The following NUMA1 variants were observed in gnomAD, a reference collection of about 807,000 sequenced individuals.
NUMA1 encodes nuclear mitotic apparatus protein 1.
In NUMA1, 62 loss-of-function variants were observed where a neutral mutation model predicts 237.1. The observed-to-expected ratio is 0.26, with a 90% CI of 0.21 to 0.32. The LOEUF (loss-of-function observed/expected upper bound fraction) is 0.32. Ranked by LOEUF, NUMA1 falls within the 10% of genes least tolerant of loss-of-function variation. The pLI is 1.00. For synonymous variants in NUMA1, 1,028 were observed against 1,066.1 expected (o/e 0.96, Z 0.70); for missense variants, 2,533 against 2,666.5 (o/e 0.95, Z 1.10).
At chr11:72,003,838 G>GCCCAT in intron 26 of NUMA1, 49 bp downstream of exon 26, 1 of 1,583,766 alleles carries the variant, frequency 6.3e-7, no homozygotes, top group Non-Finnish European at 8.6e-7. Flanking sequence ...TCTGGGGGGT[G>GCCCAT]CCCATGCTCT....
At chr11:72,048,140 A>G (rs1942106052) in intron 2 of NUMA1, among the ~76,000 whole-genome samples, 1 of 152,040 alleles carries the variant, frequency 6.6e-6, no homozygotes, top group African/African-American at 2.4e-5. Flanking sequence ...TCTGTCGCCC[A>G]GGTTGGGGTG....
At position 72,080,441 on chromosome 11, in the gene NUMA1, G is replaced by C. The variant is rs1037269076; in HGVS notation, c.-103+17C>G. ...GGTGCCCAGGCCGCACGCCAAACGC[G>C]GGCCCGCGCCGGTTACCTGGCTGCG... On this transcript the variant is annotated intron_variant, in intron 1 of 26. Transcript: ENST00000393695. 2 of 152,138 alleles carry C rather than the reference G, an allele frequency of 1.3e-5. No homozygotes were observed. The highest frequency in any genetic ancestry group is 6.5e-5 in the Admixed American group (1 of 15,278). The allele number at this position is 152,138 out of a possible 1,614,324, so 9.4% of individuals were successfully genotyped here. A position where few individuals can be genotyped will look rare whatever the true frequency, so the allele number is the denominator to read the frequency against.
At chr11:72,007,150 G>A in intron 21 of NUMA1, 39 bp downstream of exon 21, 1 of 1,598,152 alleles carries the variant, frequency 6.3e-7, no homozygotes. Flanking sequence ...AGAGGAAGTG[G>A]GAATTGCTGC....
Position 72,009,027 on chromosome 11 carries a change from G to C in NUMA1, c.4998C>G (p.Thr1666=). 6.2e-7 allele frequency: 1 copy of C among 1,613,786 alleles called. No homozygotes were observed. The highest frequency in any genetic ancestry group is 8.5e-7 in the Non-Finnish European group (1 of 1,180,022). The change falls in exon 19 of 27, where the codon ACC becomes ACG. Residue 1666 remains threonine, a synonymous_variant. Transcript: ENST00000393695. ...GHELQQAGLK[T]KEAEQTCRHL... ...GGCGGCAGGTCTGTTCAGCCTCCTTGGTCTTCAGCCCAGCCTGCTGTAGCT... is the reference window on the plus strand; with the variant it reads ...GGCGGCAGGTCTGTTCAGCCTCCTTCGTCTTCAGCCCAGCCTGCTGTAGCT...
chr11:72,019,571 G>A lies in NUMA1; in HGVS notation c.507C>T (p.Ser169=), dbSNP rs1938439241. The A allele has an allele frequency of 6.2e-7, 1 of 1,613,992 alleles. No individual in the cohort carries two copies. ...CCCTCTTGGCCTGGTGGCTAGGTGG[G>A]GAGAGCTCTTCAGGGAATGTGCTAG... ...TCSSTFPEEL[S]PPSHQAKREI... The change falls in exon 9 of 27, where the codon TCC becomes TCT. Residue 169 remains serine (S), a synonymous_variant. Transcript: ENST00000393695.
At chr11:72,045,244 G>A (rs1444209239) in intron 2 of NUMA1, among the ~76,000 whole-genome samples, 3 of 151,868 alleles carry the variant, frequency 2.0e-5, no homozygotes, top group Non-Finnish European at 4.4e-5. Flanking sequence ...TGGGTGGTTG[G>A]GATGAGGTGG....
At position 72,009,157 on chromosome 11, in the gene NUMA1, G is replaced by C; in HGVS notation, c.4868C>G (p.Ala1623Gly). 3 of 1,378,766 alleles carry C rather than the reference G, an allele frequency of 2.2e-6. No individual in the cohort carries two copies. The highest frequency in any genetic ancestry group is 2.9e-6 in the Non-Finnish European group (3 of 1,042,532). 85.4% of individuals were successfully genotyped at this position (1,378,766 alleles called of 1,614,324 possible). ...QMEKAKTHYD[A>G]KKQQNQELQE... The stretch of plus-strand genomic sequence containing the variant: ...CAGCTCTTGGTTCTGCTGCTTCTTG[G>C]CATCATAATGTGTTTTGGCTTTCTC... Residue 1623 changes from alanine (A) to glycine (G), a missense_variant, in exon 19 of 27, where the codon GCC becomes GGC. By Grantham distance (60) the Ala-to-Gly change is moderately conservative (BLOSUM62 0). Transcript: ENST00000393695.
chr11:72,038,882 A>T lies in NUMA1; in HGVS notation c.-32-2907T>A, dbSNP rs572490002. 3.3e-5 allele frequency among the ~76,000 whole-genome samples: 5 copies of T among 152,168 alleles called. No homozygotes were observed. The South Asian group carries it at 1.0e-3, about 32-fold the overall frequency. ...CCATCTACCTGATTCTCTGAGAAAGAAATTCCCCCAGAATCTAAAACAGAG... is the reference window on the plus strand; with the variant it reads ...CCATCTACCTGATTCTCTGAGAAAGTAATTCCCCCAGAATCTAAAACAGAG... On this transcript the variant is annotated intron_variant, in intron 2 of 26. Transcript: ENST00000393695.
chr11:72,073,488 G>A (rs1305505501), intron 1 of NUMA1, among the ~76,000 whole-genome samples: 1 of 152,136 alleles, frequency 6.6e-6, no homozygotes, highest in South Asian at 2.1e-4. Flanking sequence ...GACTTGCAGA[G>A]GAAGAACACC....
intron 2 of NUMA1, chr11:72,065,569 T>C (rs1943161996): frequency 6.6e-6 from 1 of 152,132 alleles, no homozygotes; most frequent in African/African-American, 2.4e-5. Flanking sequence ...AGAACAGTAG[T>C]TTTCTCCAGA....
intron 17 of NUMA1, among the ~76,000 whole-genome samples, chr11:72,009,710 G>C (rs562960901): frequency 3.1e-5 from 3 of 97,510 alleles, no homozygotes; most frequent in African/African-American, 7.8e-5. Context: ...AATCCTCAGG[G>C]AACACCCAGG....
chr11:72,040,163 T>C (rs1941493161), intron 2 of NUMA1, among the ~76,000 whole-genome samples: 4 of 152,100 alleles, frequency 2.6e-5, no homozygotes, highest in African/African-American at 7.2e-5. Flanking sequence ...GTTTGGTCCA[T>C]CTAAAGGGAC....
rs1291496519 is a variant in NUMA1 at position 72,014,778 on chromosome 11, TCTTTTCCTGCAG to T, written c.2713_2724del (p.Leu905_Lys908del). 1 of 1,614,182 alleles carries T rather than the reference TCTTTTCCTGCAG, an allele frequency of 6.2e-7. No homozygotes were observed. Reference sequence around the variant, plus strand: ...GCCACCTCTTTGCTGGTGGCAGCCATCTTTTCCTGCAGAGTGGAGAGGTCATCTGCAAGCTTC... The same window carrying T: ...GCCACCTCTTTGCTGGTGGCAGCCATAGTGGAGAGGTCATCTGCAAGCTTC... On this transcript the variant is annotated inframe_deletion, in exon 15 of 27. Transcript: ENST00000393695. The surrounding 1 kb of genome is among the most constrained non-coding windows in gnomAD (Gnocchi z 4.6).
At chr11:72,077,272 C>A (rs1222398960) in intron 1 of NUMA1, among the ~76,000 whole-genome samples, 2 of 152,010 alleles carry the variant, frequency 1.3e-5, no homozygotes, top group Admixed American at 6.5e-5. Context: ...TTACTATATG[C>A]CCCCAGTATA....
chr11:72,052,673 A>G (rs1942434422), intron 2 of NUMA1, among the ~76,000 whole-genome samples: 1 of 152,068 alleles, frequency 6.6e-6, no homozygotes, highest in African/African-American at 2.4e-5. Flanking sequence ...CTGAGGCAGG[A>G]GAATCATTTG....
chr11:72,051,614 G>A (rs758876849), intron 2 of NUMA1, among the ~76,000 whole-genome samples: 36 of 151,974 alleles, frequency 2.4e-4, no homozygotes, highest in African/African-American at 6.3e-4. Flanking sequence ...TGGGGCTACC[G>A]GTGTGCAGGA....
chr11:72,009,535 T>G, intron 17 of NUMA1, 148 bp from the exon 18 acceptor site: 5 of 1,073,232 alleles, frequency 4.7e-6, no homozygotes, highest in Non-Finnish European at 6.5e-6. Flanking sequence ...AAATACTCTC[T>G]GCCCGACTAC....
chr11:72,057,004 G>A (rs2136108303), intron 2 of NUMA1, among the ~76,000 whole-genome samples: 2 of 150,280 alleles, frequency 1.3e-5, no homozygotes, highest in South Asian at 4.2e-4. Flanking sequence ...AAAAAAAATG[G>A]CCAGTGACAA....
chr11:72,052,898 G>T (rs1419383844), intron 2 of NUMA1, among the ~76,000 whole-genome samples: 2 of 152,212 alleles, frequency 1.3e-5, no homozygotes, highest in African/African-American at 4.8e-5. Context: ...CATGATCAGG[G>T]CTATGTTTCA....
Sources: allele counts gnomAD v4.1 joint callset (sites outside exome capture counted in the v4.1 genomes callset), GRCh38; gene constraint gnomAD v4.1.1; non-coding constraint Gnocchi (gnomAD v3.1); transcripts MANE v1.5; gene names NCBI Gene and HGNC (gene_info 2026-07-23, HGNC 2026-07-21).